Variants in NEB observed in about 807,000 individuals in gnomAD.
NEB encodes nemaline myopathy type 2.
In NEB, 512 loss-of-function variants were observed where a neutral mutation model predicts 952.2. The observed-to-expected ratio is 0.54, with a 90% CI of 0.50 to 0.58. The LOEUF is 0.58. NEB is among the 20% of genes least tolerant of loss of function. The pLI is 0.00. For missense variants in NEB, 8,428 were observed against 9,231.1 expected (o/e 0.91, Z 3.56); for synonymous variants, 2,900 against 3,149.8 (o/e 0.92, Z 2.66).
intron 121 of NEB, among the ~76,000 whole-genome samples, chr2:151,561,598 C>CTT (rs112384270): frequency 7.1e-6 from 1 of 141,830 alleles, no homozygotes. Context: ...GTTTCGAACA[C>CTT]TTTTTTTTTT....
chr2:151,631,048 C>T, intron 66 of NEB, 95 bp downstream of exon 66: 1 of 1,495,588 alleles, frequency 6.7e-7, no homozygotes, highest in African/African-American at 1.4e-5. Context: ...AAAATGCGAC[C>T]CCACGCCTTC....
Position 151,526,943 on chromosome 2 carries a change from A to G in NEB, c.21920T>C (p.Leu7307Pro). The change falls in exon 148 of 182, where the codon CTC (leucine) becomes CCC (proline). Residue 7307 changes from leucine (L) to proline (P), a missense_variant. Coordinates refer to ENST00000397345, the MANE Select transcript of NEB (RefSeq NM_001164508.2). ...VTDDKNTVLALRNTLIESDLK... is the reference protein window; with the variant it reads ...VTDDKNTVLAPRNTLIESDLK... ...ATCACTTTCTATTAAAGTATTCCTGAGGGCGAGCACCGTGTTTTTGTCATC... is the reference window on the plus strand; with the variant it reads ...ATCACTTTCTATTAAAGTATTCCTGGGGGCGAGCACCGTGTTTTTGTCATC... The G allele has an allele frequency of 1.2e-6, 2 of 1,600,714 alleles. No individual in the cohort carries two copies. Among genetic ancestry groups the G allele is most frequent in the Non-Finnish European group, 1.7e-6 (2 of 1,172,434 alleles).
intron 143 of NEB, among the ~76,000 whole-genome samples, chr2:151,532,924 G>A (rs1426713573): frequency 6.6e-6 from 1 of 152,066 alleles, no homozygotes; most frequent in African/African-American, 2.4e-5. Context: ...CTGTGTGTGT[G>A]GGATCAGATG....
intron 113 of NEB, 48 bp downstream of exon 113, chr2:151,568,023 G>A (rs371206417): frequency 6.3e-6 from 9 of 1,419,868 alleles, no homozygotes; most frequent in African/African-American, 1.4e-5. Flanking sequence ...GAATCCCTGG[G>A]AGCAAGGTCC....
Position 151,675,267 on chromosome 2 carries a change from C to A in NEB, c.3879+20G>T, listed in dbSNP as rs12618063. Reference sequence around the variant, plus strand: ...TATTGTCAGGTCCGAATTTCACATCCCAGCAAAGACCCTACTTACGTCACT... The same window carrying A: ...TATTGTCAGGTCCGAATTTCACATCACAGCAAAGACCCTACTTACGTCACT... On this transcript the variant is annotated intron_variant, in intron 35 of 181. Coordinates refer to ENST00000397345, the MANE Select transcript of NEB (RefSeq NM_001164508.2). 0.14 allele frequency: 208,773 copies of A among 1,502,142 alleles called. 20,824 individuals carry two copies. The highest frequency in any genetic ancestry group is 0.5 in the East Asian group (21,443 of 42,474). 93.1% of individuals were successfully genotyped at this position (1,502,142 alleles called of 1,614,324 possible).
At chr2:151,687,877 AT>A (rs1339990504) in intron 25 of NEB, 144 bp from the exon 26 acceptor site, 9 of 803,306 alleles carry the variant, frequency 1.1e-5, no homozygotes, top group Non-Finnish European at 1.8e-5. Flanking sequence ...ATAAGTATTG[AT>A]TTATCTATCA....
chr2:151,690,858 A>G, intron 23 of NEB, 33 bp from the exon 24 acceptor site: 1 of 1,454,722 alleles, frequency 6.9e-7, no homozygotes. Context: ...ATGAAATATC[A>G]GTATATTCTT....
intron 168 of NEB, 125 bp from the exon 169 acceptor site, chr2:151,499,515 A>G (rs1201185616): frequency 6.1e-5 from 39 of 638,930 alleles, no homozygotes; most frequent in East Asian, 1.8e-4. Flanking sequence ...CAACAAGTCA[A>G]CCTCTCTGTT....
intron 128 of NEB, among the ~76,000 whole-genome samples, chr2:151,552,198 TG>T (rs1378935596): frequency 6.6e-6 from 1 of 152,200 alleles, no homozygotes; most frequent in Non-Finnish European, 1.5e-5. Context: ...GGCGTCATAG[TG>T]GGTGCTTCCT....
rs377027708 is a variant in NEB at position 151,618,429 on chromosome 2, G to A, written c.10922C>T (p.Pro3641Leu). 1.4e-5 allele frequency: 22 copies of A among 1,613,672 alleles called. No individual in the cohort carries two copies. Among genetic ancestry groups the A allele is most frequent in the East Asian group, 8.9e-5 (4 of 44,858 alleles). Residue 3641 changes from proline (P) to leucine (L), a missense_variant, in exon 74 of 182, where the codon CCG becomes CTG. Transcript: ENST00000397345. ...LEWMKGIGWV[P>L]IDSLEVVRAK... ...CCTAACAACTTCCAAGGAATCAATCGGAACCCAGCCAATGCCTTTCATCCA... is the reference window on the plus strand; with the variant it reads ...CCTAACAACTTCCAAGGAATCAATCAGAACCCAGCCAATGCCTTTCATCCA...
chr2:151,545,816 A>G, intron 135 of NEB, 72 bp downstream of exon 135: 1 of 905,738 alleles, frequency 1.1e-6, no homozygotes, highest in Non-Finnish European at 1.7e-6. Context: ...AGAGGAACTA[A>G]GAGCCTTGTG....
Position 151,531,011 on chromosome 2 carries a change from T to C in NEB, c.21613A>G (p.Lys7205Glu), listed in dbSNP as rs2090429793. 6.2e-7 allele frequency: 1 copy of C among 1,612,746 alleles called. No individual in the cohort carries two copies. Among genetic ancestry groups the C allele is most frequent in the Admixed American group, 1.7e-5 (1 of 59,972 alleles). Residue 7205 changes from lysine (K) to glutamate (E), a missense_variant, in exon 145 of 182, where the codon AAA becomes GAA. By Grantham distance (56) the Lys-to-Glu change is moderately conservative. Coordinates refer to ENST00000397345, the MANE Select transcript of NEB (RefSeq NM_001164508.2). ...TPMLLHVRKV[K>E]DEVSDLKYKE... is the part of the protein sequence containing the mutation. The stretch of plus-strand genomic sequence containing the variant: ...GTACTTACATCACTGACTTCATCTT[T>C]AACCTTGCGGACATGCAGCAACATG...
chr2:151,496,263 T>A lies in NEB; in HGVS notation c.24486+13A>T. Reference sequence around the variant, plus strand: ...AAATCAGTAAGTAGTTTTTTTCTTTTCTCGCCAAGTACCGAGCTAATATTT... The same window carrying A: ...AAATCAGTAAGTAGTTTTTTTCTTTACTCGCCAAGTACCGAGCTAATATTT... On this transcript the variant is annotated intron_variant, in intron 173 of 181. Coordinates refer to ENST00000397345, the MANE Select transcript of NEB (RefSeq NM_001164508.2). The A allele has an allele frequency of 6.3e-7, 1 of 1,588,728 alleles. No individual in the cohort carries two copies. Among genetic ancestry groups the A allele is most frequent in the Non-Finnish European group, 8.6e-7 (1 of 1,161,586 alleles).
chr2:151,643,245 C>T lies in NEB; in HGVS notation c.8065G>A (p.Val2689Ile), dbSNP rs1230035290. The T allele has an allele frequency of 6.2e-7, 1 of 1,613,770 alleles. No individual in the cohort carries two copies. Among genetic ancestry groups the T allele is most frequent in the Non-Finnish European group, 8.5e-7 (1 of 1,179,840 alleles). ...AATTGATCTGGGTGCTGACGGTAAACATGGTCACTCAAAATCTGGGTGGCT... is the reference window on the plus strand; with the variant it reads ...AATTGATCTGGGTGCTGACGGTAAATATGGTCACTCAAAATCTGGGTGGCT... ...KRATQILSDH[V>I]YRQHPDQFKF... Residue 2689 changes from valine (V) to isoleucine (I), a missense_variant, in exon 58 of 182, where the codon GTT becomes ATT. This residue lies in a region of NEB where 1,772 missense variants were observed against 1,960.3 expected (regional missense o/e 0.90). Coordinates refer to ENST00000397345, the MANE Select transcript of NEB (RefSeq NM_001164508.2).
In NEB at chr2:151,564,978, A is replaced by T. The variant is rs577839043; in HGVS notation, c.18471+66T>A. 3.8e-5 allele frequency: 37 copies of T among 971,804 alleles called. No individual in the cohort carries two copies. In the South Asian group the frequency reaches 5.6e-4, roughly 15 times the overall value. The allele number at this position is 971,804 out of a possible 1,614,324, so 60.2% of individuals were successfully genotyped here. On this transcript the variant is annotated intron_variant, in intron 117 of 181. Transcript: ENST00000397345. ...GTTCAGCAGTTGACAAAATCAGCCA[A>T]GAATATGAATGCAACAAGAGCTTCA...
intron 153 of NEB, among the ~76,000 whole-genome samples, chr2:151,522,984 C>T (rs1386424154): frequency 6.6e-6 from 1 of 152,194 alleles, no homozygotes. Context: ...GTCCCATTCT[C>T]CATACCATAG....
rs1232186045 is a variant in NEB at position 151,616,025 on chromosome 2, C to A, written c.11266G>T (p.Ala3756Ser). ...ACATCACTAGCAATATCTCTTGAAG[C>A]CTTGGCTGCTTGGATTGGAATGGCA... ...LDAIPIQAAK[A>S]SRDIASDYKY... Residue 3756 changes from alanine (A) to serine (S), a missense_variant, in exon 76 of 182, where the codon GCT becomes TCT. By Grantham distance (99) the Ala-to-Ser change is moderately conservative (BLOSUM62 1). Transcript: ENST00000397345. 1 of 1,612,812 alleles carries A rather than the reference C, an allele frequency of 6.2e-7. No homozygotes were observed. Among genetic ancestry groups the A allele is most frequent in the Admixed American group, 1.7e-5 (1 of 59,904 alleles).
chr2:151,505,615 G>T, intron 164 of NEB, 45 bp from the exon 165 acceptor site: 1 of 1,461,208 alleles, frequency 6.8e-7, no homozygotes, highest in Non-Finnish European at 9.6e-7. Context: ...TTACATGCTG[G>T]ACTGTTATTC....
rs2080063924 is a variant in NEB, at chr2:151,518,978, T to C, written c.22682A>G (p.Gln7561Arg). The C allele has an allele frequency of 1.2e-6, 2 of 1,612,218 alleles. No individual in the cohort carries two copies. Among genetic ancestry groups the C allele is most frequent in the Non-Finnish European group, 1.7e-6 (2 of 1,178,336 alleles). The change falls in exon 155 of 182, where the codon CAA becomes CGA. Residue 7561 changes from glutamine to arginine, a missense_variant. By Grantham distance (43) the Gln-to-Arg change is conservative (BLOSUM62 1). Coordinates refer to ENST00000397345, the MANE Select transcript of NEB (RefSeq NM_001164508.2). ...LIMNHVLNTS[Q>R]LASSYQYKKK... is the part of the protein sequence containing the mutation. ...GACTGAGCTTACAGAACTGGCAAGT[T>C]GGCTTGTATTCAGGACATGATTCAT...
Sources: gnomAD v4.1 joint callset for allele counts (sites outside exome capture counted in the v4.1 genomes callset) on GRCh38, gnomAD v4.1.1 for gene constraint, gnomAD v4.1.1 regional missense constraint, MANE v1.5 for transcripts, NCBI Gene and HGNC (gene_info 2026-07-23, HGNC 2026-07-21) for gene names.